The following ANKS3 variants were observed in gnomAD, a reference collection of about 807,000 sequenced individuals.
ANKS3 encodes ankyrin repeat and sterile alpha motif domain containing 3.
ANKS3 carries 62 observed loss-of-function variants against 80.7 expected under a neutral mutation model. That is an observed-to-expected ratio of 0.77 (90% CI 0.63 to 0.95). ANKS3 has a LOEUF of 0.95. Among genes scored for constraint, ANKS3 ranks in the 40% least tolerant of loss-of-function variants. ANKS3 has a pLI of 0.00. For synonymous variants in ANKS3, 489 were observed against 355.3 expected (o/e 1.38, Z -4.23); for missense variants, 1,150 against 883.6 (o/e 1.30, Z -3.82).
chr16:4,711,441 G>T (rs189109785), intron 7 of ANKS3, among the ~76,000 whole-genome samples: 2 of 151,752 alleles, frequency 1.3e-5, no homozygotes, highest in African/African-American at 4.8e-5. Flanking sequence ...AAAATTGGCC[G>T]GGTGCGGTGG....
intron 5 of ANKS3, among the ~76,000 whole-genome samples, chr16:4,726,129 C>A (rs898609216): frequency 6.6e-6 from 1 of 151,850 alleles, no homozygotes; most frequent in Admixed American, 6.6e-5. Context: ...GCGCCCGTCA[C>A]CATGCCCAGC....
chr16:4,701,128 C>T lies in ANKS3; in HGVS notation c.1126G>A (p.Asp376Asn). The change falls in exon 11 of 18, where the codon GAT becomes AAT. Residue 376 changes from aspartate to asparagine, a missense_variant. Coordinates refer to ENST00000304283, the MANE Select transcript of ANKS3 (RefSeq NM_133450.4). ...EASVESNEDS[D>N]HACKSSARKQ... ...CGAGCTGAGCTTTTACAGGCATGAT[C>T]CGAGTCCTGCAGTGAGAGGCGTGCA... 1.9e-6 allele frequency: 3 copies of T among 1,613,872 alleles called. No homozygotes were observed. Among genetic ancestry groups the T allele is most frequent in the South Asian group, 2.2e-5 (2 of 91,076 alleles).
intron 6 of ANKS3, among the ~76,000 whole-genome samples, chr16:4,721,184 G>A (rs1444803746): frequency 1.4e-5 from 2 of 146,126 alleles, no homozygotes; most frequent in East Asian, 2.1e-4. Flanking sequence ...GGGCGCCTGT[G>A]GTCCCAGCTA....
intron 5 of ANKS3, among the ~76,000 whole-genome samples, chr16:4,725,827 T>A (rs950007745): frequency 6.6e-6 from 1 of 151,190 alleles, no homozygotes; most frequent in African/African-American, 2.4e-5. Flanking sequence ...GCCCAGCTAA[T>A]TTTTGTATTT....
In ANKS3 at chr16:4,730,429, G is replaced by T. The variant is rs116437431; in HGVS notation, c.-2-278C>A. 1.9e-3 allele frequency among the ~76,000 whole-genome samples: 283 copies of T among 152,238 alleles called. 1 individual carries two copies. The highest frequency in any genetic ancestry group is 6.6e-3 in the African/African-American group (274 of 41,530). On this transcript the variant is annotated intron_variant, in intron 2 of 17. Coordinates refer to ENST00000304283, the MANE Select transcript of ANKS3 (RefSeq NM_133450.4). ...GTACCTGCTCCTCCTTCCAACCGCA[G>T]GCACCAGGTAAAAGAGAATTCTCCA... is the stretch of plus-strand genomic sequence containing the variant.
At position 4,698,804 on chromosome 16, in the gene ANKS3, T is replaced by G. The variant is rs2079735452; in HGVS notation, c.1547A>C (p.His516Pro). ...AEMQELAIQLHKRCEEVEATR... is the reference protein window; with the variant it reads ...AEMQELAIQLPKRCEEVEATR... Reference sequence around the variant, plus strand: ...ATCCCCCACCCAGCCACTCACCTTGTGCAGCTGGATGGCGAGCTCCTGCAT... The same window carrying G: ...ATCCCCCACCCAGCCACTCACCTTGGGCAGCTGGATGGCGAGCTCCTGCAT... Residue 516 changes from histidine to proline, a missense_variant, in exon 13 of 18, where the codon CAC becomes CCC. Coordinates refer to ENST00000304283, the MANE Select transcript of ANKS3 (RefSeq NM_133450.4). 1 of 1,605,380 alleles carries G rather than the reference T, an allele frequency of 6.2e-7. No homozygotes were observed. The highest frequency in any genetic ancestry group is 1.7e-5 in the Admixed American group (1 of 59,304).
intron 2 of ANKS3, 97 bp from the exon 3 acceptor site, chr16:4,730,248 G>A: frequency 1.6e-6 from 2 of 1,227,916 alleles, no homozygotes; most frequent in South Asian, 2.1e-5. Flanking sequence ...TGCACTAGCA[G>A]ACTGATAACC....
chr16:4,699,277 C>A, intron 11 of ANKS3, 101 bp from the exon 12 acceptor site: 1 of 1,466,914 alleles, frequency 6.8e-7, no homozygotes, highest in Middle Eastern at 2.3e-4. Context: ...GGCTCAGAAC[C>A]AAGACAGTGC....
chr16:4,697,328 C>T lies in ANKS3; in HGVS notation c.1894+5G>A. 2 of 1,600,466 alleles carry T rather than the reference C, an allele frequency of 1.2e-6. No homozygotes were observed. The highest frequency in any genetic ancestry group is 1.7e-6 in the Non-Finnish European group (2 of 1,172,216). ...CGCTCAGTCGTCTGGTCCCCGGAGA[C>T]TCACCCATCTCACGGACACGGTCCT... On this transcript the variant is annotated splice_donor_5th_base_variant and intron_variant, in intron 16 of 17. Coordinates refer to ENST00000304283, the MANE Select transcript of ANKS3 (RefSeq NM_133450.4).
intron 1 of ANKS3, among the ~76,000 whole-genome samples, chr16:4,731,793 G>A (rs899747217): frequency 8.5e-5 from 13 of 152,116 alleles, no homozygotes; most frequent in Non-Finnish European, 1.6e-4. Flanking sequence ...ATAACAGGCC[G>A]GTGAACTGGT....
chr16:4,700,699 T>C, intron 11 of ANKS3: 1 of 565,284 alleles, frequency 1.8e-6, no homozygotes, highest in East Asian at 3.4e-5. Context: ...CAAGTGTGCT[T>C]TTCTTCTCCC....
rs754638570 is a variant in ANKS3, at chr16:4,698,580, G to T, written c.1571C>A (p.Ala524Asp). 1 of 1,574,192 alleles carries T rather than the reference G, an allele frequency of 6.4e-7. No individual in the cohort carries two copies. The highest frequency in any genetic ancestry group is 1.8e-5 in the Admixed American group (1 of 56,958). ...CTCCTGACACACCTGGCCCCGCGTG[G>T]CCTCTACCTCCTCGCAGCGCTGCAG... ...QLHKRCEEVE[A>D]TRGQVCQEQE... The change falls in exon 14 of 18, where the codon GCC becomes GAC. Residue 524 changes from alanine (A) to aspartate (D), a missense_variant. By Grantham distance (126) the Ala-to-Asp change is moderately radical. Transcript: ENST00000304283.
chr16:4,718,244 G>C (rs1286782900), intron 6 of ANKS3, among the ~76,000 whole-genome samples: 1 of 152,092 alleles, frequency 6.6e-6, no homozygotes, highest in African/African-American at 2.4e-5. Context: ...TAACTACTTA[G>C]GCTTTAAGAG....
At chr16:4,727,738 T>A (rs545040867) in intron 3 of ANKS3, 1 of 154,010 alleles carries the variant, frequency 6.5e-6, no homozygotes, top group Non-Finnish European at 1.4e-5. Flanking sequence ...CACTGATTCA[T>A]CCTTTGTCAC....
At chr16:4,703,489 C>T (rs1405646802) in intron 8 of ANKS3, among the ~76,000 whole-genome samples, 3 of 149,440 alleles carry the variant, frequency 2.0e-5, no homozygotes, top group Non-Finnish European at 4.4e-5. Context: ...GGCACAATCT[C>T]GGCTCACTGC....
At chr16:4,713,091 G>A (rs1185013987) in intron 7 of ANKS3, among the ~76,000 whole-genome samples, 1 of 152,080 alleles carries the variant, frequency 6.6e-6, no homozygotes, top group East Asian at 1.9e-4. Flanking sequence ...CCAACATGGA[G>A]AAACCCCATC....
chr16:4,714,884 C>T (rs1035689617), intron 6 of ANKS3, among the ~76,000 whole-genome samples: 24 of 143,248 alleles, frequency 1.7e-4, no homozygotes, highest in African/African-American at 4.4e-4. Flanking sequence ...CTCAGCTACT[C>T]GGGAGGCTGA....
rs71402561 is a variant in ANKS3, at chr16:4,734,203, A to AC, written c.-337dup. ...CGCCGCCCTCGGGCTGCCGTCGCCA[A>AC]CCCCCCCCAAACAGCTCGCCGCCAC... On this transcript the variant is annotated 5_prime_UTR_variant, in exon 1 of 18. Transcript: ENST00000304283. 6.5e-5 allele frequency: 11 copies of AC among 170,032 alleles called. No homozygotes were observed. Among genetic ancestry groups the AC allele is most frequent in the African/African-American group, 1.4e-4 (6 of 41,530 alleles). 10.5% of individuals were successfully genotyped at this position (170,032 alleles called of 1,614,324 possible). A position where few individuals can be genotyped will look rare whatever the true frequency, so the allele number is the denominator to read the frequency against.
chr16:4,721,826 G>A (rs914460570), intron 6 of ANKS3, among the ~76,000 whole-genome samples: 2 of 150,734 alleles, frequency 1.3e-5, no homozygotes, highest in East Asian at 1.9e-4. Context: ...TGGTAGAGGC[G>A]GGTTTCACCA....
Sources: gnomAD v4.1 joint callset for allele counts (sites outside exome capture counted in the v4.1 genomes callset) on GRCh38, gnomAD v4.1.1 for gene constraint, MANE v1.5 for transcripts, NCBI Gene and HGNC (gene_info 2026-07-23, HGNC 2026-07-21) for gene names.